HSD17B6: variants seen among roughly 807,000 people sequenced by gnomAD.
HSD17B6 encodes the protein hydroxysteroid 17-beta dehydrogenase 6, also known as 17-beta-hydroxysteroid dehydrogenase type 6.
HSD17B6 carries 16 observed loss-of-function variants against 26.4 expected under a neutral mutation model. The observed-to-expected ratio is 0.61, with a 90% CI of 0.41 to 0.92. The LOEUF is 0.92. Among genes scored for constraint, HSD17B6 ranks in the 40% least tolerant of loss-of-function variants. The pLI is 0.00. For synonymous variants in HSD17B6, 139 were observed against 153.0 expected (o/e 0.91, Z 0.68); for missense variants, 357 against 386.1 (o/e 0.92, Z 0.63).
chr12:56,770,559 T>TC (rs1486884862), intron 1 of HSD17B6: 3 of 152,218 alleles, frequency 2.0e-5, no homozygotes, highest in African/African-American at 4.8e-5. Flanking sequence ...CTGCTTTTTT[T>TC]CTCTCAATTT....
At chr12:56,763,913 C>CA (rs1954260653) in intron 1 of HSD17B6, among the ~76,000 whole-genome samples, 1 of 150,840 alleles carries the variant, frequency 6.6e-6, no homozygotes. Flanking sequence ...ACAAAAAATA[C>CA]AAAAAATTAG....
At chr12:56,780,355 G>C (rs905773144) in intron 2 of HSD17B6, among the ~76,000 whole-genome samples, 4 of 152,138 alleles carry the variant, frequency 2.6e-5, no homozygotes, top group Non-Finnish European at 5.9e-5. Flanking sequence ...TTAAATATCT[G>C]CTAGCTGTAA....
At chr12:56,783,987 A>C (rs1278005145) in intron 3 of HSD17B6, among the ~76,000 whole-genome samples, 2 of 146,582 alleles carry the variant, frequency 1.4e-5, no homozygotes, top group African/African-American at 2.6e-5. Flanking sequence ...GATGCTCCTC[A>C]CCTCCCAGAC....
At chr12:56,777,241 G>C (rs2137914949) in intron 2 of HSD17B6, among the ~76,000 whole-genome samples, 1 of 152,210 alleles carries the variant, frequency 6.6e-6, no homozygotes, top group Admixed American at 6.5e-5. Context: ...GACTACAGGG[G>C]TGCACCACCA....
At chr12:56,786,421 TG>T (rs1032723469) in intron 4 of HSD17B6, among the ~76,000 whole-genome samples, 2 of 152,124 alleles carry the variant, frequency 1.3e-5, no homozygotes, top group Admixed American at 6.6e-5. Context: ...GGCTAATTTT[TG>T]TATTTTTAGT....
intron 1 of HSD17B6, among the ~76,000 whole-genome samples, chr12:56,769,881 T>TC (rs898252679): frequency 1.0e-5 from 1 of 97,776 alleles, no homozygotes; most frequent in Non-Finnish European, 2.4e-5. Flanking sequence ...CTGCAGGTCT[T>TC]CTTGCTGCTA....
At chr12:56,783,997 C>T (rs1485459136) in intron 3 of HSD17B6, among the ~76,000 whole-genome samples, 50 of 150,098 alleles carry the variant, frequency 3.3e-4, no homozygotes, top group African/African-American at 5.4e-4. Flanking sequence ...ACCTCCCAGA[C>T]GGGGTCGCGG....
chr12:56,777,192 G>T (rs1312760671), intron 2 of HSD17B6, among the ~76,000 whole-genome samples: 1 of 152,126 alleles, frequency 6.6e-6, no homozygotes, highest in African/African-American at 2.4e-5. Flanking sequence ...GCTACAGTGG[G>T]CTACGATAGC....
Position 56,782,250 on chromosome 12 carries a change from A to G in HSD17B6, c.572+18A>G. ...ATTCTGAGGTAACTTAAGTTAAAAC[A>G]AAAACAGCTATTGAGCACTGAAATA... On this transcript the variant is annotated intron_variant, in intron 3 of 4. Transcript: ENST00000322165. The G allele has an allele frequency of 3.7e-6, 6 of 1,610,564 alleles. No homozygotes were observed. Among genetic ancestry groups the G allele is most frequent in the Non-Finnish European group, 5.1e-6 (6 of 1,178,366 alleles).
At chr12:56,780,776 G>C (rs113806096) in intron 2 of HSD17B6, among the ~76,000 whole-genome samples, 10 of 151,710 alleles carry the variant, frequency 6.6e-5, no homozygotes, top group South Asian at 6.3e-4. Flanking sequence ...GTGAACCCGG[G>C]GGGTGGAGCT....
chr12:56,787,077 A>G, intron 4 of HSD17B6, 48 bp from the exon 5 acceptor site: 1 of 1,412,698 alleles, frequency 7.1e-7, no homozygotes, highest in Non-Finnish European at 1.0e-6. Context: ...TGATCTTAAA[A>G]ATATAAGGAA....
chr12:56,783,341 C>T (rs1479026307), intron 3 of HSD17B6, among the ~76,000 whole-genome samples: 13 of 135,256 alleles, frequency 9.6e-5, no homozygotes, highest in Admixed American at 7.2e-5. Context: ...CCCTCCCGGA[C>T]GGGGCGGCTG....
At chr12:56,784,725 G>A in intron 3 of HSD17B6, 128 bp from the exon 4 acceptor site, 2 of 943,894 alleles carry the variant, frequency 2.1e-6, no homozygotes, top group Non-Finnish European at 3.2e-6. Flanking sequence ...GAGAGGGAGA[G>A]GGAGATTTCT....
chr12:56,777,218 C>T (rs1954610190), intron 2 of HSD17B6, among the ~76,000 whole-genome samples: 1 of 152,138 alleles, frequency 6.6e-6, no homozygotes. Context: ...TGAATAGCCA[C>T]TAGAGTAGCT....
At chr12:56,771,075 G>A (rs1234854100) in intron 1 of HSD17B6, among the ~76,000 whole-genome samples, 4 of 152,198 alleles carry the variant, frequency 2.6e-5, no homozygotes, top group Non-Finnish European at 5.9e-5. Context: ...CAGTACTGGA[G>A]CTGGACCAGT....
chr12:56,782,849 G>C (rs1954756188), intron 3 of HSD17B6, among the ~76,000 whole-genome samples: 1 of 151,810 alleles, frequency 6.6e-6, no homozygotes, highest in Non-Finnish European at 1.5e-5. Context: ...GACTCTTAAC[G>C]AGCATGCTGC....
intron 1 of HSD17B6, among the ~76,000 whole-genome samples, chr12:56,764,581 A>G (rs1451839033): frequency 3.9e-5 from 6 of 152,252 alleles, no homozygotes; most frequent in Non-Finnish European, 5.9e-5. Flanking sequence ...GAAAGGCAAT[A>G]TGGCAATAAT....
intron 2 of HSD17B6, among the ~76,000 whole-genome samples, chr12:56,778,613 T>C (rs1301262301): frequency 7.3e-5 from 11 of 151,676 alleles, no homozygotes; most frequent in Admixed American, 7.2e-4. Flanking sequence ...CTAGTCCTTC[T>C]CTCAGTTTAT....
At chr12:56,785,097 C>T (rs1954848503) in intron 4 of HSD17B6, 81 bp downstream of exon 4, 1 of 1,365,708 alleles carries the variant, frequency 7.3e-7, no homozygotes, top group South Asian at 1.4e-5. Context: ...ATAACTGAGA[C>T]TGGGTAATTT....
Sources: allele counts gnomAD v4.1 joint callset (sites outside exome capture counted in the v4.1 genomes callset), GRCh38; gene constraint gnomAD v4.1.1; transcripts MANE v1.5; gene names NCBI Gene and HGNC (gene_info 2026-07-23, HGNC 2026-07-21).